Variants in SH3PXD2A observed in about 807,000 individuals in gnomAD.
SH3PXD2A encodes the protein SH3 and PX domains 2A, also known as SH3 and PX domain-containing protein 2A.
A neutral mutation model predicts 115.2 loss-of-function variants in SH3PXD2A; 32 were observed. That is an observed-to-expected ratio of 0.28 (90% confidence interval 0.21 to 0.37). The LOEUF (loss-of-function observed/expected upper bound fraction) is 0.37. SH3PXD2A is among the 10% of genes least tolerant of loss of function. SH3PXD2A has a pLI of 1.00. For synonymous variants in SH3PXD2A, 610 were observed against 629.1 expected (o/e 0.97, Z 0.45); for missense variants, 1,328 against 1,498.7 (o/e 0.89, Z 1.88).
chr10:103,619,852 C>T (rs954024432), intron 10 of SH3PXD2A, among the ~76,000 whole-genome samples: 1 of 152,212 alleles, frequency 6.6e-6, no homozygotes, highest in African/African-American at 2.4e-5. Flanking sequence ...GCTCGTCCTG[C>T]CCCGGTCACT....
chr10:103,759,398 T>C (rs1164801856), intron 3 of SH3PXD2A, among the ~76,000 whole-genome samples: 1 of 152,204 alleles, frequency 6.6e-6, no homozygotes, highest in Non-Finnish European at 1.5e-5. Context: ...GCAATCTCAC[T>C]TCTCCAGGAC....
intron 8 of SH3PXD2A, among the ~76,000 whole-genome samples, chr10:103,652,180 A>G (rs2037135680): frequency 6.6e-6 from 1 of 152,200 alleles, no homozygotes; most frequent in South Asian, 2.1e-4. Flanking sequence ...TGGGGCTAAG[A>G]CAGTTGGATG....
At chr10:103,637,686 C>T (rs2036886866) in intron 8 of SH3PXD2A, among the ~76,000 whole-genome samples, 1 of 152,098 alleles carries the variant, frequency 6.6e-6, no homozygotes, top group Non-Finnish European at 1.5e-5. Context: ...TTGCTTGGTG[C>T]GGGTTTGGAG....
intron 1 of SH3PXD2A, among the ~76,000 whole-genome samples, chr10:103,833,734 C>T (rs1280538322): frequency 6.6e-6 from 1 of 152,154 alleles, no homozygotes; most frequent in Non-Finnish European, 1.5e-5. Context: ...ATCTCCTTTG[C>T]TAGAGGAAAA....
chr10:103,678,129 G>T (rs2037563252), intron 6 of SH3PXD2A: 17 of 1,288,976 alleles, frequency 1.3e-5, no homozygotes, highest in Non-Finnish European at 1.5e-5. Flanking sequence ...GGAAACAGGA[G>T]CCGGAGCAGG....
intron 2 of SH3PXD2A, among the ~76,000 whole-genome samples, chr10:103,772,279 G>A (rs369843315): frequency 1.4e-4 from 21 of 152,302 alleles, no homozygotes; most frequent in African/African-American, 4.8e-4. Flanking sequence ...CCAATTTGCA[G>A]GGCTAGTTTC....
chr10:103,607,261 A>G (rs1413946172), intron 13 of SH3PXD2A, among the ~76,000 whole-genome samples: 18 of 139,022 alleles, frequency 1.3e-4, no homozygotes, highest in African/African-American at 4.7e-4. Flanking sequence ...CCGCCTGGCA[A>G]CCGCCCCGTC....
chr10:103,803,749 C>T (rs941554938), intron 1 of SH3PXD2A, among the ~76,000 whole-genome samples: 1 of 152,188 alleles, frequency 6.6e-6, no homozygotes, highest in African/African-American at 2.4e-5. Flanking sequence ...AAACAAGTCT[C>T]AATCAGTTTA....
chr10:103,853,233 C>T (rs1842912320), intron 1 of SH3PXD2A, among the ~76,000 whole-genome samples: 1 of 152,242 alleles, frequency 6.6e-6, no homozygotes, highest in South Asian at 2.1e-4. Context: ...GTGTTTTTCA[C>T]ATAGAACAAG....
chr10:103,615,294 C>T (rs1419194749), intron 11 of SH3PXD2A, among the ~76,000 whole-genome samples: 1 of 152,138 alleles, frequency 6.6e-6, no homozygotes, highest in Non-Finnish European at 1.5e-5. Flanking sequence ...CTTAGGGCCC[C>T]GAGTGCTGTA....
chr10:103,814,861 T>C (rs1209580319), intron 1 of SH3PXD2A, among the ~76,000 whole-genome samples: 1 of 151,984 alleles, frequency 6.6e-6, no homozygotes, highest in Non-Finnish European at 1.5e-5. Context: ...ACGGCCCCAA[T>C]AAAATGGGGT....
At chr10:103,687,605 C>T (rs1290445399) in intron 6 of SH3PXD2A, among the ~76,000 whole-genome samples, 1 of 152,188 alleles carries the variant, frequency 6.6e-6, no homozygotes, top group East Asian at 1.9e-4. Flanking sequence ...TGGCTAGCAG[C>T]CCCCTGCGAC....
chr10:103,736,451 C>T (rs1256689989), intron 3 of SH3PXD2A, among the ~76,000 whole-genome samples: 1 of 152,252 alleles, frequency 6.6e-6, no homozygotes, highest in East Asian at 1.9e-4. Context: ...TCCCAGCTGA[C>T]TCTCCCAAGC....
intron 5 of SH3PXD2A, among the ~76,000 whole-genome samples, chr10:103,719,231 G>A (rs1432083614): frequency 6.6e-6 from 1 of 152,244 alleles, no homozygotes; most frequent in Non-Finnish European, 1.5e-5. Context: ...CACCTACTCT[G>A]GCTGGGGTGG....
chr10:103,777,597 A>C (rs944602580), intron 2 of SH3PXD2A, among the ~76,000 whole-genome samples: 5 of 152,208 alleles, frequency 3.3e-5, no homozygotes, highest in Non-Finnish European at 5.9e-5. Flanking sequence ...GTGCTGGAGG[A>C]TGCAATCCCA....
chr10:103,769,090 G>C (rs373403204), intron 2 of SH3PXD2A, among the ~76,000 whole-genome samples: 2 of 151,620 alleles, frequency 1.3e-5, no homozygotes, highest in African/African-American at 2.4e-5. Flanking sequence ...ATAAGACTTG[G>C]GGGGAACAAA....
At position 103,636,809 on chromosome 10, in the gene SH3PXD2A, C is replaced by T. The variant is rs1437255496; in HGVS notation, c.605-9607G>A. Among the ~76,000 whole-genome samples, 4 of 152,178 alleles carry T rather than the reference C, an allele frequency of 2.6e-5. No homozygotes were observed. The East Asian group carries it at 7.7e-4, about 29-fold the overall frequency. On this transcript the variant is annotated intron_variant, in intron 8 of 14. Coordinates refer to ENST00000369774, the MANE Select transcript of SH3PXD2A (RefSeq NM_001394015.1). ...TCTGAAATCCTCTCGTCCTCCCGCT[C>T]TGACTCCCAAACCTCCCAGCCCTGT... is the stretch of plus-strand genomic sequence containing the variant.
intron 1 of SH3PXD2A, among the ~76,000 whole-genome samples, chr10:103,814,878 T>G (rs997840813): frequency 1.6e-4 from 25 of 152,202 alleles, no homozygotes; most frequent in African/African-American, 5.3e-4. Context: ...GGGTGGTGAC[T>G]GAAACTGCAG....
intron 3 of SH3PXD2A, chr10:103,754,653 C>T (rs11814652): frequency 0.1 from 15,221 of 152,106 alleles, 802 homozygotes; most frequent in South Asian, 0.14. Flanking sequence ...TGGTTGGGAC[C>T]TGAGCATCCT....
Sources: gnomAD v4.1 joint callset for allele counts (sites outside exome capture counted in the v4.1 genomes callset) on GRCh38, gnomAD v4.1.1 for gene constraint, MANE v1.5 for transcripts, NCBI Gene and HGNC (gene_info 2026-07-23, HGNC 2026-07-21) for gene names.